IQUB: variants seen among roughly 807,000 people sequenced by gnomAD.
IQUB encodes IQ motif and ubiquitin domain containing.
In IQUB, 86 loss-of-function variants were observed where a neutral mutation model predicts 86.4. That is an observed-to-expected ratio of 1.00 (90% CI 0.84 to 1.19). The LOEUF is 1.19. Among genes scored for constraint, IQUB ranks in the 50% most tolerant of loss-of-function variants. IQUB has a pLI of 0.00. For synonymous variants in IQUB, 289 were observed against 304.5 expected, an observed-to-expected ratio of 0.95 and a Z score of 0.53; for missense variants, 946 against 916.9, an observed-to-expected ratio of 1.03 and a Z score of -0.41.
At chr7:123,527,263 T>C (rs1797272873) in intron 1 of IQUB, among the ~76,000 whole-genome samples, 1 of 152,232 alleles carries the variant, frequency 6.6e-6, no homozygotes, top group Admixed American at 6.5e-5. Flanking sequence ...GGTTTGAATT[T>C]CCTCCTGTAG....
At chr7:123,488,349 GAAAAAA>G (rs536092384) in intron 7 of IQUB, among the ~76,000 whole-genome samples, 4 of 98,002 alleles carry the variant, frequency 4.1e-5, no homozygotes, top group Admixed American at 1.0e-4. Flanking sequence ...TCAAAAAAAA[GAAAAAA>G]AAAAAAAAAG....
chr7:123,472,871 A>G (rs1794594182), intron 8 of IQUB, among the ~76,000 whole-genome samples: 2 of 152,220 alleles, frequency 1.3e-5, no homozygotes, highest in Admixed American at 1.3e-4. Context: ...TTTGGCTGTG[A>G]TAACAGATAT....
intron 1 of IQUB, among the ~76,000 whole-genome samples, chr7:123,527,694 TGGGAGAA>T (rs1797311727): frequency 6.6e-6 from 1 of 152,184 alleles, no homozygotes; most frequent in Non-Finnish European, 1.5e-5. Context: ...AGCTGCGTGC[TGGGAGAA>T]CCACTGCTCT....
chr7:123,521,190 A>T (rs561110573), intron 1 of IQUB, among the ~76,000 whole-genome samples: 129 of 152,278 alleles, frequency 8.5e-4, no homozygotes, highest in African/African-American at 3.1e-3. Flanking sequence ...AGTTCCTTTC[A>T]TAGGTACTGG....
intron 1 of IQUB, among the ~76,000 whole-genome samples, chr7:123,522,954 T>C (rs1584651428): frequency 6.7e-6 from 1 of 148,202 alleles, no homozygotes; most frequent in Admixed American, 6.8e-5. Context: ...ATATGCGGTG[T>C]TTGGTTTTTT....
At chr7:123,519,486 G>A (rs1015121545) in intron 1 of IQUB, among the ~76,000 whole-genome samples, 1 of 152,140 alleles carries the variant, frequency 6.6e-6, no homozygotes, top group African/African-American at 2.4e-5. Context: ...ATGAAATTAT[G>A]TCATTTGCAA....
intron 7 of IQUB, among the ~76,000 whole-genome samples, chr7:123,493,323 T>C (rs373960333): frequency 1.3e-5 from 2 of 152,276 alleles, no homozygotes; most frequent in African/African-American, 4.8e-5. Context: ...AAAACCTACC[T>C]TACTAACCTC....
Position 123,512,231 on chromosome 7 carries a change from T to C in IQUB, c.110A>G (p.Gln37Arg), listed in dbSNP as rs745541321. ...VTIPVPSEEP[Q>R]ESDQTEEHES... ...ATGCTCTTCAGTTTGATCTGACTCT[T>C]GAGGCTCTTCTGAGGGAACTGGAAT... is the stretch of plus-strand genomic sequence containing the variant. Residue 37 changes from glutamine to arginine, a missense_variant, in exon 2 of 13, where the codon CAA becomes CGA. Physicochemically the swap from Gln to Arg is conservative, Grantham distance 43. Coordinates refer to ENST00000324698, the MANE Select transcript of IQUB (RefSeq NM_178827.5). 2.5e-6 allele frequency: 4 copies of C among 1,613,598 alleles called. No individual in the cohort carries two copies. The African/African-American group carries it at 5.3e-5, about 22-fold the overall frequency.
intron 3 of IQUB, among the ~76,000 whole-genome samples, chr7:123,508,958 T>C (rs1269309349): frequency 6.6e-6 from 1 of 152,196 alleles, no homozygotes; most frequent in African/African-American, 2.4e-5. Flanking sequence ...AACAATATGG[T>C]CATAATCATT....
intron 12 of IQUB, among the ~76,000 whole-genome samples, chr7:123,455,192 T>C (rs1793632246): frequency 6.6e-6 from 1 of 152,138 alleles, no homozygotes; most frequent in Non-Finnish European, 1.5e-5. Context: ...TCAGAGTAAT[T>C]AGCATATTCA....
Position 123,472,043 on chromosome 7 carries a change from G to T in IQUB, c.1411-2659C>A, listed in dbSNP as rs184710045. Among the ~76,000 whole-genome samples, 27 of 152,130 alleles carry T rather than the reference G, an allele frequency of 1.8e-4. No homozygotes were observed. The East Asian group carries it at 5.2e-3, about 30-fold the overall frequency. On this transcript the variant is annotated intron_variant, in intron 8 of 12. Coordinates refer to ENST00000324698, the MANE Select transcript of IQUB (RefSeq NM_178827.5). Reference sequence around the variant, plus strand: ...ACTTGAGGTCAGAAGTTCGAGAACAGCCTGGCCAACACGGTGATAACTCAT... The same window carrying T: ...ACTTGAGGTCAGAAGTTCGAGAACATCCTGGCCAACACGGTGATAACTCAT...
In IQUB at chr7:123,503,260, G is replaced by C; in HGVS notation, c.636C>G (p.Val212=). ...IFSTNPDLYP[V]RRIDGLTDVS... ...CATCAGTTAATCCATCTATTCTTCTGACTGGATACAGATCTGGATTTGTAG... is the reference window on the plus strand; with the variant it reads ...CATCAGTTAATCCATCTATTCTTCTCACTGGATACAGATCTGGATTTGTAG... The change falls in exon 4 of 13, where the codon GTC becomes GTG. Residue 212 remains valine, a synonymous_variant. Transcript: ENST00000324698. 1.9e-6 allele frequency: 3 copies of C among 1,610,956 alleles called. No individual in the cohort carries two copies.
intron 3 of IQUB, among the ~76,000 whole-genome samples, chr7:123,507,177 T>C (rs748123139): frequency 2.6e-5 from 4 of 152,200 alleles, no homozygotes; most frequent in Non-Finnish European, 4.4e-5. Context: ...ATGGCTCAAC[T>C]TACAATTTTC....
At chr7:123,525,834 C>T (rs1416636343) in intron 1 of IQUB, among the ~76,000 whole-genome samples, 3 of 150,542 alleles carry the variant, frequency 2.0e-5, no homozygotes, top group African/African-American at 4.9e-5. Context: ...CTCTTGTGGG[C>T]ATTTAGTGCT....
intron 1 of IQUB, chr7:123,532,842 G>A (rs1187765274): frequency 6.6e-6 from 1 of 152,308 alleles, no homozygotes; most frequent in African/African-American, 2.4e-5. Context: ...TCCCGGGCCG[G>A]GGGTCGGAAG....
rs12666994 is a variant in IQUB, at chr7:123,531,118, C to A, written c.-5+3374G>T. 1.4e-3 allele frequency among the ~76,000 whole-genome samples: 216 copies of A among 152,172 alleles called. 3 individuals are homozygous for A. The East Asian group carries it at 0.027, about 19-fold the overall frequency. On this transcript the variant is annotated intron_variant, in intron 1 of 12. Transcript: ENST00000324698. ...ATCAAATTGGAAAAAAAGAAAAACA[C>A]AAAGAACAATTAAGACTCCAAAGCC...
intron 7 of IQUB, among the ~76,000 whole-genome samples, chr7:123,493,020 T>A (rs1795540595): frequency 6.6e-6 from 1 of 152,090 alleles, no homozygotes; most frequent in Non-Finnish European, 1.5e-5. Flanking sequence ...CAAAGATACA[T>A]CTCTGTTTTA....
intron 9 of IQUB, among the ~76,000 whole-genome samples, chr7:123,468,265 G>A (rs1003187903): frequency 6.6e-6 from 1 of 152,170 alleles, no homozygotes; most frequent in East Asian, 1.9e-4. Flanking sequence ...AGATAGTAGA[G>A]GAAGGAAACA....
At chr7:123,534,233 T>TG (rs1391396674) in intron 1 of IQUB, among the ~76,000 whole-genome samples, 1 of 152,168 alleles carries the variant, frequency 6.6e-6, no homozygotes, top group Admixed American at 6.5e-5. Flanking sequence ...TGAGGTGAGG[T>TG]GTACCTCCTA....
Sources: gnomAD v4.1 joint callset for allele counts (sites outside exome capture counted in the v4.1 genomes callset) on GRCh38, gnomAD v4.1.1 for gene constraint, MANE v1.5 for transcripts, NCBI Gene and HGNC (gene_info 2026-07-23, HGNC 2026-07-21) for gene names.